Variants in USP34 observed in about 807,000 individuals in gnomAD.
USP34 encodes ubiquitin specific peptidase 34, also known as ubiquitin carboxyl-terminal hydrolase 34.
USP34 carries 70 observed loss-of-function variants against 460.3 expected under a neutral mutation model. That is an observed-to-expected ratio of 0.15 (90% CI 0.13 to 0.19). The LOEUF (loss-of-function observed/expected upper bound fraction) is 0.19, where lower values mean the gene tolerates loss of function less well. USP34 is among the 10% of genes least tolerant of loss of function. The pLI is 1.00. For missense variants in USP34, 3,985 were observed against 4,236.2 expected (o/e 0.94, Z 1.65); for synonymous variants, 1,647 against 1,405.3 (o/e 1.17, Z -3.85).
In USP34 at chr2:61,228,544, AG is replaced by A. The variant is rs143901298; in HGVS notation, c.7443+100del. On this transcript the variant is annotated intron_variant, in intron 61 of 79. Coordinates refer to ENST00000398571, the MANE Select transcript of USP34 (RefSeq NM_014709.4). Reference sequence around the variant, plus strand: ...TTCATATTATCTAACACCAGGTTCCAGAAGGGACTTTAAAGGGTTCTAACAT... The same window carrying A: ...TTCATATTATCTAACACCAGGTTCCAAAGGGACTTTAAAGGGTTCTAACAT... The A allele has an allele frequency of 3.1e-3, 3,132 of 998,978 alleles. 69 individuals carry two copies. In the African/African-American group the frequency reaches 0.047, roughly 15 times the overall value. 61.9% of individuals were successfully genotyped at this position (998,978 alleles called of 1,614,324 possible).
chr2:61,223,396 T>A, intron 62 of USP34, 100 bp from the exon 63 acceptor site: 3 of 1,158,674 alleles, frequency 2.6e-6, no homozygotes, highest in Non-Finnish European at 2.4e-6. Context: ...ATTATAATTG[T>A]ATTAACCTGC....
intron 1 of USP34, among the ~76,000 whole-genome samples, chr2:61,453,125 T>A (rs1167763923): frequency 6.6e-6 from 1 of 152,022 alleles, no homozygotes; most frequent in East Asian, 1.9e-4. Flanking sequence ...AATAATTACA[T>A]CTAGGCTGGG....
intron 1 of USP34, among the ~76,000 whole-genome samples, chr2:61,466,545 T>C (rs1695767683): frequency 6.6e-6 from 1 of 152,228 alleles, no homozygotes; most frequent in South Asian, 2.1e-4. Context: ...CACTATACGT[T>C]TTATGTATTG....
chr2:61,456,207 G>T (rs899799137), intron 1 of USP34, among the ~76,000 whole-genome samples: 1 of 152,192 alleles, frequency 6.6e-6, no homozygotes, highest in African/African-American at 2.4e-5. Context: ...TTACTGCCCA[G>T]AAGCAATTTC....
At position 61,347,879 on chromosome 2, in the gene USP34, T is replaced by C. The variant is rs751522090; in HGVS notation, c.2276A>G (p.His759Arg). ...HHHHHHHHHH[H>R]HDGHMVDDML... ...TTTGAAGTAGGCTTACCCATCGTGGTGGTGGTGATGGTGGTGGTGGTGGTG... is the reference window on the plus strand; with the variant it reads ...TTTGAAGTAGGCTTACCCATCGTGGCGGTGGTGATGGTGGTGGTGGTGGTG... The change falls in exon 15 of 80, where the codon CAC becomes CGC. Residue 759 changes from histidine (H) to arginine (R), a missense_variant. Around this residue, in one of 14 missense-constraint regions of USP34, gnomAD observed 716 missense variants for 626.2 expected, o/e 1.14. Transcript: ENST00000398571. 19 of 1,612,170 alleles carry C rather than the reference T, an allele frequency of 1.2e-5. No individual in the cohort carries two copies. In the South Asian group the frequency reaches 2.1e-4, roughly 18 times the overall value.
chr2:61,294,008 C>T (rs1009235999), intron 32 of USP34, among the ~76,000 whole-genome samples: 3 of 151,710 alleles, frequency 2.0e-5, no homozygotes, highest in Non-Finnish European at 4.4e-5. Flanking sequence ...AGGTGAGACC[C>T]TGTCCTAAAC....
At chr2:61,253,536 T>C (rs749608843) in intron 48 of USP34, among the ~76,000 whole-genome samples, 20 of 152,206 alleles carry the variant, frequency 1.3e-4, no homozygotes, top group Non-Finnish European at 2.6e-4. Flanking sequence ...ACTACCCTTC[T>C]TGAAATTGGA....
chr2:61,463,660 C>T (rs1446107786), intron 1 of USP34, among the ~76,000 whole-genome samples: 5 of 151,950 alleles, frequency 3.3e-5, no homozygotes, highest in Non-Finnish European at 5.9e-5. Flanking sequence ...ATGGTGAAAC[C>T]CCACATCGAC....
At chr2:61,281,726 C>T (rs553549365) in intron 37 of USP34, among the ~76,000 whole-genome samples, 15 of 152,052 alleles carry the variant, frequency 9.9e-5, no homozygotes, top group Non-Finnish European at 2.2e-4. Flanking sequence ...TTTTAGAAAT[C>T]CTAAAGCATG....
intron 21 of USP34, among the ~76,000 whole-genome samples, chr2:61,323,167 T>A (rs1292170881): frequency 4.6e-5 from 7 of 151,878 alleles, no homozygotes; most frequent in Non-Finnish European, 1.0e-4. Flanking sequence ...ATCGCTTGAG[T>A]CCATGAGTTT....
rs576131650 is a variant in USP34 at position 61,312,546 on chromosome 2, A to T, written c.3543-636T>A. Among the ~76,000 whole-genome samples the T allele has an allele frequency of 5.3e-5, 8 of 152,218 alleles. No homozygotes were observed. In the South Asian group the frequency reaches 1.7e-3, roughly 32 times the overall value. ...AAAAAAGTCTAAAACTAATCAGCAA[A>T]TTTGGAATAGAAGGATAAAAAGTGA... On this transcript the variant is annotated intron_variant, in intron 25 of 79. Coordinates refer to ENST00000398571, the MANE Select transcript of USP34 (RefSeq NM_014709.4).
At chr2:61,314,782 T>C in intron 24 of USP34, 38 bp from the exon 25 acceptor site, 2 of 1,579,704 alleles carry the variant, frequency 1.3e-6, no homozygotes, top group Non-Finnish European at 1.7e-6. Context: ...ATTAGCCTTA[T>C]ATTCTTGTTT....
chr2:61,301,579 A>T (rs1019133904), intron 27 of USP34, 125 bp from the exon 28 acceptor site: 3 of 825,354 alleles, frequency 3.6e-6, no homozygotes, highest in Non-Finnish European at 5.6e-6. Context: ...TAAGGTAAAG[A>T]CAGAAAACTC....
Position 61,264,180 on chromosome 2 carries a change from T to C in USP34, c.5778+1217A>G, listed in dbSNP as rs1174593907. Among the ~76,000 whole-genome samples, 3 of 152,296 alleles carry C rather than the reference T, an allele frequency of 2.0e-5. No individual in the cohort carries two copies. The East Asian group carries it at 5.8e-4, about 29-fold the overall frequency. ...TACTTTTAGTCATAATGTACAGAGATAAATTTTAAAGTATCAATAACTAAA... is the reference window on the plus strand; with the variant it reads ...TACTTTTAGTCATAATGTACAGAGACAAATTTTAAAGTATCAATAACTAAA... On this transcript the variant is annotated intron_variant, in intron 43 of 79. Transcript: ENST00000398571.
chr2:61,350,530 G>T, intron 11 of USP34, 38 bp downstream of exon 11: 1 of 1,563,090 alleles, frequency 6.4e-7, no homozygotes, highest in Non-Finnish European at 8.6e-7. Context: ...TTCACTTCAC[G>T]GGAAAAAAAA....
chr2:61,214,546 A>G lies in USP34; in HGVS notation c.8196T>C (p.Leu2732=). Residue 2732 remains leucine, a synonymous_variant, in exon 68 of 80, where the codon CTT becomes CTC. Coordinates refer to ENST00000398571, the MANE Select transcript of USP34 (RefSeq NM_014709.4). ...VVLHQVYNVL[L]GLLSRAKLYV... is the part of the protein sequence containing the mutation. ...AAAGTTTGGCTCTTGAGAGCAAACCAAGGAGCACGTTGTAGACCTGATGTA... is the reference window on the plus strand; with the variant it reads ...AAAGTTTGGCTCTTGAGAGCAAACCGAGGAGCACGTTGTAGACCTGATGTA... The G allele has an allele frequency of 6.2e-7, 1 of 1,613,772 alleles. No homozygotes were observed. Among genetic ancestry groups the G allele is most frequent in the East Asian group, 2.2e-5 (1 of 44,890 alleles).
chr2:61,455,837 G>A (rs1285704073), intron 1 of USP34, among the ~76,000 whole-genome samples: 1 of 152,116 alleles, frequency 6.6e-6, no homozygotes, highest in Non-Finnish European at 1.5e-5. Flanking sequence ...AAATCCCTAT[G>A]AGACATGTAT....
At chr2:61,349,362 T>C (rs1425166042) in intron 12 of USP34, 77 bp from the exon 13 acceptor site, 3 of 1,452,770 alleles carry the variant, frequency 2.1e-6, no homozygotes, top group African/African-American at 2.8e-5. Flanking sequence ...CAGTTGTTCA[T>C]ATTACATAAT....
intron 1 of USP34, among the ~76,000 whole-genome samples, chr2:61,444,551 C>A (rs990325300): frequency 1.3e-5 from 2 of 152,136 alleles, no homozygotes; most frequent in Non-Finnish European, 2.9e-5. Context: ...TTAAAAAACT[C>A]ACATTCAAGA....
Sources: allele counts gnomAD v4.1 joint callset (sites outside exome capture counted in the v4.1 genomes callset), GRCh38; gene constraint gnomAD v4.1.1; regional missense constraint gnomAD v4.1.1; transcripts MANE v1.5; gene names NCBI Gene and HGNC (gene_info 2026-07-23, HGNC 2026-07-21).